Variants in NOS1AP observed in about 807,000 individuals in gnomAD.
NOS1AP encodes carboxyl-terminal PDZ ligand of neuronal nitric oxide synthase protein.
Under a neutral mutation model 56.2 loss-of-function variants are expected in NOS1AP, and 21 were observed. That is an observed-to-expected ratio of 0.37 (90% CI 0.26 to 0.54). The LOEUF is 0.54. NOS1AP is among the 20% of genes least tolerant of loss of function. The probability of loss-of-function intolerance (pLI) is 0.84; values close to 1 mark genes in which losing one functional copy is unlikely to be tolerated. For missense variants in NOS1AP, 522 were observed against 657.8 expected (o/e 0.79, Z 2.26); for synonymous variants, 270 against 274.6 (o/e 0.98, Z 0.17).
Position 162,298,221 on chromosome 1 carries a change from G to A in NOS1AP, c.271-2412G>A, listed in dbSNP as rs57667065. Among the ~76,000 whole-genome samples the A allele has an allele frequency of 2.0e-5, 3 of 152,350 alleles. No homozygotes were observed. The East Asian group carries it at 5.8e-4, about 29-fold the overall frequency. ...CCCCCTCCAGGTGGTGCCACAGAAGGCTGAGAAGGGTGCCAGGCTCATCTT... is the reference window on the plus strand; with the variant it reads ...CCCCCTCCAGGTGGTGCCACAGAAGACTGAGAAGGGTGCCAGGCTCATCTT... On this transcript the variant is annotated intron_variant, in intron 3 of 9. Transcript: ENST00000361897.
intron 4 of NOS1AP, among the ~76,000 whole-genome samples, chr1:162,319,586 C>G (rs1221523199): frequency 6.6e-6 from 1 of 152,032 alleles, no homozygotes; most frequent in African/African-American, 2.4e-5. Flanking sequence ...CATGCAGTTT[C>G]CATTGCAAGG....
intron 1 of NOS1AP, among the ~76,000 whole-genome samples, chr1:162,102,766 AGGGTCAG>A (rs929555961): frequency 2.6e-5 from 4 of 151,950 alleles, no homozygotes; most frequent in Non-Finnish European, 5.9e-5. Flanking sequence ...GTATTTCTGT[AGGGTCAG>A]GGGTGATTTT....
chr1:162,287,309 A>G (rs775890947), intron 2 of NOS1AP, 35 bp from the exon 3 acceptor site: 139 of 1,465,234 alleles, frequency 9.5e-5, no homozygotes, highest in Non-Finnish European at 1.3e-4. Flanking sequence ...ATCTCATCAG[A>G]TTGCACTTTC....
intron 1 of NOS1AP, among the ~76,000 whole-genome samples, chr1:162,129,266 G>A (rs189867907): frequency 3.3e-5 from 5 of 152,190 alleles, no homozygotes; most frequent in African/African-American, 1.2e-4. Context: ...GGTCGCACAT[G>A]CCTTGTGTTA....
At chr1:162,088,611 G>C (rs530305408) in intron 1 of NOS1AP, among the ~76,000 whole-genome samples, 146 of 152,324 alleles carry the variant, frequency 9.6e-4, no homozygotes, top group Admixed American at 5.9e-4. Flanking sequence ...TTATCTCCCT[G>C]CAGGTAGGAG....
intron 1 of NOS1AP, among the ~76,000 whole-genome samples, chr1:162,082,397 C>A (rs1286319351): frequency 6.6e-6 from 1 of 152,148 alleles, no homozygotes; most frequent in Non-Finnish European, 1.5e-5. Flanking sequence ...CTGCAATGAA[C>A]ATACACATGC....
intron 2 of NOS1AP, among the ~76,000 whole-genome samples, chr1:162,155,392 T>TAG (rs33924354): frequency 4.8e-5 from 7 of 145,970 alleles, no homozygotes; most frequent in Non-Finnish European, 9.0e-5. Flanking sequence ...CTTATATATA[T>TAG]AGAGAGCTCA....
chr1:162,333,025 A>G lies in NOS1AP; in HGVS notation c.353A>G (p.Tyr118Cys). ...VMQDPIYRIFYVSHDSQDLKI... is the reference protein window; with the variant it reads ...VMQDPIYRIFCVSHDSQDLKI... ...TGTTGTTCTTCCTTTAGGATCTTCT[A>G]TGTCTCTCATGATTCCCAAGACTTG... The change falls in exon 5 of 10, where the codon TAT becomes TGT. Residue 118 changes from tyrosine (Y) to cysteine (C), a missense_variant. Transcript: ENST00000361897. 6.2e-7 allele frequency: 1 copy of G among 1,612,124 alleles called. No homozygotes were observed. Among genetic ancestry groups the G allele is most frequent in the Non-Finnish European group, 8.5e-7 (1 of 1,178,204 alleles).
At chr1:162,337,718 GTTGGAAACT>G (rs1656985272) in intron 5 of NOS1AP, among the ~76,000 whole-genome samples, 1 of 152,168 alleles carries the variant, frequency 6.6e-6, no homozygotes, top group Admixed American at 6.5e-5. Context: ...ACAGCTATCT[GTTGGAAACT>G]TTAAGATGCA....
At chr1:162,343,051 C>T (rs748006666) in intron 5 of NOS1AP, among the ~76,000 whole-genome samples, 4 of 152,176 alleles carry the variant, frequency 2.6e-5, no homozygotes, top group Non-Finnish European at 5.9e-5. Flanking sequence ...ACCTTTGAGG[C>T]CATGCCCTGG....
chr1:162,097,620 C>T (rs966613311), intron 1 of NOS1AP, among the ~76,000 whole-genome samples: 1 of 152,172 alleles, frequency 6.6e-6, no homozygotes, highest in Non-Finnish European at 1.5e-5. Context: ...GCACTTCATT[C>T]TGTCTGTTCA....
chr1:162,203,705 G>C (rs1652065895), intron 2 of NOS1AP, among the ~76,000 whole-genome samples: 1 of 152,184 alleles, frequency 6.6e-6, no homozygotes. Context: ...CACAAGAAGT[G>C]ATAATGCATG....
intron 1 of NOS1AP, among the ~76,000 whole-genome samples, chr1:162,134,583 T>A (rs533122626): frequency 1.7e-4 from 26 of 151,512 alleles, no homozygotes; most frequent in South Asian, 1.5e-3. Context: ...ATGCATGCAT[T>A]CAGTGGAAGG....
chr1:162,343,649 C>T (rs926446229), intron 5 of NOS1AP, among the ~76,000 whole-genome samples, 186 bp from the exon 6 acceptor site: 3 of 152,256 alleles, frequency 2.0e-5, no homozygotes, highest in African/African-American at 7.2e-5. Context: ...TGTTTCAGCA[C>T]TGTGGTGACA....
chr1:162,223,707 G>A (rs545700167), intron 2 of NOS1AP, among the ~76,000 whole-genome samples: 2 of 152,260 alleles, frequency 1.3e-5, no homozygotes, highest in East Asian at 3.8e-4. Context: ...AATAGCTGTG[G>A]TTTTGTAGGT....
At chr1:162,195,610 C>G (rs773277506) in intron 2 of NOS1AP, among the ~76,000 whole-genome samples, 1 of 152,262 alleles carries the variant, frequency 6.6e-6, no homozygotes. Flanking sequence ...TTTGTACACT[C>G]TTTCTGCTTC....
Position 162,316,148 on chromosome 1 carries a change from A to G in NOS1AP, c.344+15442A>G, listed in dbSNP as rs377058032. On this transcript the variant is annotated intron_variant, in intron 4 of 9. Coordinates refer to ENST00000361897, the MANE Select transcript of NOS1AP (RefSeq NM_014697.3). ...GAATGAACCAACCCACCTATATAAA[A>G]AAAGTGTGTTGAGCACTGAACACAG... Among the ~76,000 whole-genome samples the G allele has an allele frequency of 8.2e-4, 125 of 152,364 alleles. 3 individuals are homozygous for G. In the South Asian group the frequency reaches 0.025, roughly 30 times the overall value.
intron 2 of NOS1AP, among the ~76,000 whole-genome samples, chr1:162,236,219 T>C (rs564298594): frequency 2.8e-4 from 42 of 152,328 alleles, no homozygotes; most frequent in African/African-American, 9.9e-4. Flanking sequence ...AGCTTTCCAT[T>C]CCTATGCTAG....
At chr1:162,241,701 GC>G in intron 2 of NOS1AP, among the ~76,000 whole-genome samples, 1 of 152,078 alleles carries the variant, frequency 6.6e-6, no homozygotes, top group African/African-American at 2.4e-5. Context: ...TTCCCACACT[GC>G]CTCTACGGGA....
Sources: gnomAD v4.1 joint callset for allele counts (sites outside exome capture counted in the v4.1 genomes callset) on GRCh38, gnomAD v4.1.1 for gene constraint, MANE v1.5 for transcripts, NCBI Gene and HGNC (gene_info 2026-07-23, HGNC 2026-07-21) for gene names.